The following CAST variants were observed in gnomAD, a reference collection of about 807,000 sequenced individuals.
The protein encoded by CAST is MIR583 host.
A neutral mutation model predicts 119.6 loss-of-function variants in CAST; 76 were observed. The ratio of observed to expected loss-of-function variants is 0.64; its 90% confidence interval spans 0.53 to 0.77. CAST has a LOEUF of 0.77. CAST is among the 30% of genes least tolerant of loss of function. The probability of loss-of-function intolerance (pLI) is 0.00; values close to 1 mark genes in which losing one functional copy is unlikely to be tolerated. For missense variants in CAST, 953 were observed against 946.5 expected, an observed-to-expected ratio of 1.01 and a Z score of -0.09; for synonymous variants, 319 against 331.6, an observed-to-expected ratio of 0.96 and a Z score of 0.41.
intron 1 of CAST, among the ~76,000 whole-genome samples, chr5:96,638,926 T>C (rs1747916095): frequency 6.6e-6 from 1 of 152,172 alleles, no homozygotes; most frequent in Non-Finnish European, 1.5e-5. Flanking sequence ...CTAAGGACAT[T>C]GTTTTCAAAG....
chr5:96,324,978 G>A, the CAST span, among the ~76,000 whole-genome samples: 1 of 152,162 alleles, frequency 6.6e-6, no homozygotes, highest in African/African-American at 2.4e-5. Flanking sequence ...GCCGAAGTGG[G>A]TGAATCACTT....
chr5:96,480,468 T>C, the CAST span, among the ~76,000 whole-genome samples: 2 of 152,222 alleles, frequency 1.3e-5, no homozygotes, highest in African/African-American at 4.8e-5. Flanking sequence ...TAGATATGTC[T>C]TGTAGACCAT....
the CAST span, among the ~76,000 whole-genome samples, chr5:96,214,509 C>T: frequency 6.6e-6 from 1 of 152,134 alleles, no homozygotes; most frequent in Admixed American, 6.5e-5. Flanking sequence ...TAGAACTTTT[C>T]TAAGTTCTGA....
At chr5:96,382,621 A>AGG in the CAST span, among the ~76,000 whole-genome samples, 1 of 152,262 alleles carries the variant, frequency 6.6e-6, no homozygotes, top group Non-Finnish European at 1.5e-5. Flanking sequence ...ATGAGAGCAG[A>AGG]GGGCATGTCC....
chr5:96,602,673 C>G (rs1230817169), intron 1 of CAST, among the ~76,000 whole-genome samples: 9 of 152,144 alleles, frequency 5.9e-5, no homozygotes, highest in Admixed American at 5.9e-4. Flanking sequence ...TCGCTTGAAC[C>G]TGGGAGGCGG....
At chr5:96,200,812 A>T in the CAST span, among the ~76,000 whole-genome samples, 189 of 152,258 alleles carry the variant, frequency 1.2e-3, no homozygotes, top group Non-Finnish European at 2.0e-3. Flanking sequence ...GACATATTAA[A>T]TGCTTAGCAC....
the CAST span, among the ~76,000 whole-genome samples, chr5:95,981,691 T>C: frequency 2.6e-5 from 4 of 152,162 alleles, no homozygotes; most frequent in Middle Eastern, 3.4e-3. Flanking sequence ...CTGGCCAACA[T>C]AGTGAAACCC....
the CAST span, among the ~76,000 whole-genome samples, chr5:96,063,262 C>T: frequency 6.6e-6 from 1 of 152,108 alleles, no homozygotes; most frequent in Non-Finnish European, 1.5e-5. Context: ...CTGAAGGGAC[C>T]CATTCACTCA....
chr5:96,323,873 T>C, the CAST span, among the ~76,000 whole-genome samples: 2 of 152,232 alleles, frequency 1.3e-5, no homozygotes, highest in African/African-American at 4.8e-5. Flanking sequence ...GAGGTAGAAC[T>C]GGGTCCTTCC....
intron 1 of CAST, 47 bp downstream of exon 1, chr5:96,662,544 CG>C: frequency 7.5e-7 from 1 of 1,335,774 alleles, no homozygotes; most frequent in South Asian, 2.0e-5. Flanking sequence ...GATGGGGTAC[CG>C]GGTCCCGGAG....
chr5:96,664,252 A>G (rs1298925851), intron 1 of CAST, among the ~76,000 whole-genome samples: 1 of 151,966 alleles, frequency 6.6e-6, no homozygotes, highest in Non-Finnish European at 1.5e-5. Context: ...GTTTCTATAT[A>G]AATAGTATAT....
chr5:96,343,187 T>C, the CAST span, among the ~76,000 whole-genome samples: 1 of 152,150 alleles, frequency 6.6e-6, no homozygotes, highest in Non-Finnish European at 1.5e-5. Flanking sequence ...AAAACACATT[T>C]ACAGATTTTA....
At position 96,532,776 on chromosome 5, in the gene CAST, G is replaced by A. The variant is rs143696568; in HGVS notation, c.60+2896G>A. On this transcript the variant is annotated intron_variant, in intron 1 of 11. Transcript: ENST00000505143. ...GAAGCAGGAGAATCACTTGAACCTCGGAGGCAGAGGTTGCAGTGAGCTGAG... is the reference window on the plus strand; with the variant it reads ...GAAGCAGGAGAATCACTTGAACCTCAGAGGCAGAGGTTGCAGTGAGCTGAG... Among the ~76,000 whole-genome samples, 1,057 of 152,234 alleles carry A rather than the reference G, an allele frequency of 6.9e-3. 6 individuals carry two copies. Among genetic ancestry groups the A allele is most frequent in the Middle Eastern group, 0.01 (3 of 294 alleles).
chr5:96,754,075 G>C lies in CAST; in HGVS notation c.1540G>C (p.Asp514His). 1 of 1,612,822 alleles carries C rather than the reference G, an allele frequency of 6.2e-7. No individual in the cohort carries two copies. Among genetic ancestry groups the C allele is most frequent in the Non-Finnish European group, 8.5e-7 (1 of 1,178,792 alleles). Residue 514 changes from aspartate to histidine, a missense_variant, in exon 21 of 32, where the codon GAT (aspartate) becomes CAT (histidine). Coordinates refer to ENST00000675179, the MANE Select transcript of CAST (RefSeq NM_001750.7). The stretch of plus-strand genomic sequence containing the variant: ...GCACTTTCAGAAGGGCACAGTGCCA[G>C]ATGATGCTGTAGAAGCCTTGGCTGA... ...EPATLKGTVP[D>H]DAVEALADSL...
At chr5:96,412,762 T>TG in the CAST span, among the ~76,000 whole-genome samples, 1 of 144,360 alleles carries the variant, frequency 6.9e-6, no homozygotes, top group Non-Finnish European at 1.5e-5. Flanking sequence ...GTTTTTTTTT[T>TG]TTTTTTTTTT....
the CAST span, among the ~76,000 whole-genome samples, chr5:96,282,237 A>G: frequency 6.6e-6 from 1 of 152,216 alleles, no homozygotes; most frequent in African/African-American, 2.4e-5. Flanking sequence ...TATAAATAAC[A>G]GACGTCCACC....
the CAST span, among the ~76,000 whole-genome samples, chr5:96,359,525 C>T: frequency 6.6e-6 from 1 of 151,580 alleles, no homozygotes; most frequent in East Asian, 1.9e-4. Context: ...TAAGGCAGGC[C>T]TGGTGGTGAC....
chr5:96,720,945 C>T (rs144364592), intron 3 of CAST, among the ~76,000 whole-genome samples: 7 of 152,214 alleles, frequency 4.6e-5, no homozygotes, highest in African/African-American at 1.4e-4. Context: ...AGTGGAATTT[C>T]TTGAGTTTGA....
the CAST span, among the ~76,000 whole-genome samples, chr5:96,154,486 T>C: frequency 1.3e-4 from 20 of 152,290 alleles, no homozygotes; most frequent in Admixed American, 1.3e-3. Flanking sequence ...ACATCTGATA[T>C]TACTATGGTA....
Sources: gnomAD v4.1 joint callset for allele counts (sites outside exome capture counted in the v4.1 genomes callset) on GRCh38, gnomAD v4.1.1 for gene constraint, MANE v1.5 for transcripts, NCBI Gene and HGNC (gene_info 2026-07-23, HGNC 2026-07-21) for gene names.